Variants in CNTN4 observed in about 807,000 individuals in gnomAD.
The protein encoded by CNTN4 is contactin-4.
Under a neutral mutation model 122.5 loss-of-function variants are expected in CNTN4, and 77 were observed. That is an observed-to-expected ratio of 0.63 (90% confidence interval 0.52 to 0.76). The LOEUF (loss-of-function observed/expected upper bound fraction) is 0.76. Among genes scored for constraint, CNTN4 ranks in the 30% least tolerant of loss-of-function variants. The pLI, the probability that CNTN4 is intolerant of heterozygous loss-of-function variation, is 0.00. For synonymous variants in CNTN4, 512 were observed against 447.0 expected, an observed-to-expected ratio of 1.15 and a Z score of -1.83; for missense variants, 1,256 against 1,259.1, an observed-to-expected ratio of 1.00 and a Z score of 0.04.
intron 2 of CNTN4, among the ~76,000 whole-genome samples, chr3:2,232,251 A>T (rs977750976): frequency 1.3e-5 from 2 of 152,146 alleles, no homozygotes; most frequent in East Asian, 3.9e-4. Context: ...TAATTAGTAT[A>T]ATTATTAATA....
chr3:2,394,191 A>G (rs2046551038), intron 3 of CNTN4, among the ~76,000 whole-genome samples: 1 of 151,804 alleles, frequency 6.6e-6, no homozygotes, highest in Admixed American at 6.6e-5. Flanking sequence ...ATTGAGAATG[A>G]AAAAAAGGCA....
At chr3:2,582,056 CTGGCATTAGA>C in intron 4 of CNTN4, among the ~76,000 whole-genome samples, 7 of 152,176 alleles carry the variant, frequency 4.6e-5, no homozygotes, top group Non-Finnish European at 1.0e-4. Flanking sequence ...TGAAAATATT[CTGGCATTAGA>C]AAGCGGTGAT....
chr3:3,020,325 A>G (rs1394106225), intron 14 of CNTN4, among the ~76,000 whole-genome samples: 1 of 152,206 alleles, frequency 6.6e-6, no homozygotes, highest in East Asian at 1.9e-4. Context: ...CAGAAAGCTG[A>G]TCAGTTACAG....
intron 2 of CNTN4, among the ~76,000 whole-genome samples, chr3:2,133,281 G>A (rs2034534996): frequency 6.6e-6 from 1 of 152,122 alleles, no homozygotes; most frequent in South Asian, 2.1e-4. Context: ...TAGAATCAAA[G>A]GGCATTTTCT....
intron 12 of CNTN4, among the ~76,000 whole-genome samples, chr3:2,924,338 C>T (rs1330809792): frequency 6.6e-6 from 1 of 151,648 alleles, no homozygotes; most frequent in Non-Finnish European, 1.5e-5. Flanking sequence ...TCACATAACA[C>T]ACACCTCAAG....
intron 4 of CNTN4, among the ~76,000 whole-genome samples, chr3:2,659,973 CT>C (rs2083798167): frequency 6.6e-6 from 1 of 152,148 alleles, no homozygotes; most frequent in Non-Finnish European, 1.5e-5. Flanking sequence ...ACATGAAATC[CT>C]ATTTCTGTTT....
chr3:2,305,944 T>C (rs1399491781), intron 2 of CNTN4, among the ~76,000 whole-genome samples: 1 of 152,192 alleles, frequency 6.6e-6, no homozygotes, highest in Non-Finnish European at 1.5e-5. Context: ...AATTAATCCA[T>C]GTTATAGCAT....
intron 3 of CNTN4, among the ~76,000 whole-genome samples, chr3:2,496,288 G>C (rs2076449193): frequency 6.6e-6 from 1 of 151,954 alleles, no homozygotes; most frequent in South Asian, 2.1e-4. Context: ...TTGTTTATTA[G>C]CTCATTTCAT....
intron 6 of CNTN4, among the ~76,000 whole-genome samples, chr3:2,789,795 A>C (rs570428026): frequency 1.3e-5 from 2 of 152,342 alleles, no homozygotes; most frequent in African/African-American, 4.8e-5. Flanking sequence ...TTTTTAAAAA[A>C]AATTAAAAAG....
chr3:2,533,016 C>G (rs2077657393), intron 3 of CNTN4, among the ~76,000 whole-genome samples: 1 of 151,994 alleles, frequency 6.6e-6, no homozygotes, highest in South Asian at 2.1e-4. Context: ...GCCCAAATCT[C>G]TAGATGTGAA....
chr3:2,131,551 G>C lies in CNTN4; in HGVS notation c.-145+30912G>C, dbSNP rs191199202. Among the ~76,000 whole-genome samples, 448 of 152,280 alleles carry C rather than the reference G, an allele frequency of 2.9e-3. 2 individuals are homozygous for C. Among genetic ancestry groups the C allele is most frequent in the African/African-American group, 9.8e-3 (409 of 41,562 alleles). On this transcript the variant is annotated intron_variant, in intron 2 of 24. Coordinates refer to ENST00000418658, the MANE Select transcript of CNTN4 (RefSeq NM_175607.3). ...GTGTTGCTGTTAGCTAGGGTAAAGT[G>C]GGGTGTCACAAATCCAGCATGATGG... is the stretch of plus-strand genomic sequence containing the variant.
chr3:2,518,440 A>G (rs916082746), intron 3 of CNTN4, among the ~76,000 whole-genome samples: 1 of 152,198 alleles, frequency 6.6e-6, no homozygotes, highest in African/African-American at 2.4e-5. Context: ...TGTACATGAC[A>G]GTCTTCGGTC....
At chr3:2,444,186 C>T (rs1393805904) in intron 3 of CNTN4, among the ~76,000 whole-genome samples, 3 of 147,742 alleles carry the variant, frequency 2.0e-5, no homozygotes, top group Non-Finnish European at 3.0e-5. Context: ...AAAATCTCTG[C>T]CTTATGAAGC....
chr3:2,594,417 T>C (rs2080659150), intron 4 of CNTN4, among the ~76,000 whole-genome samples: 2 of 652 alleles, frequency 3.1e-3, no homozygotes, highest in Admixed American at 0.071. Context: ...AAAATGGATC[T>C]TTTTTTTTTT....
chr3:2,570,830 T>A, intron 3 of CNTN4, among the ~76,000 whole-genome samples: 1 of 152,198 alleles, frequency 6.6e-6, no homozygotes, highest in East Asian at 1.9e-4. Flanking sequence ...CAAATGAACC[T>A]AGTAGGCAGC....
chr3:2,250,514 A>C (rs2040334530), intron 2 of CNTN4, among the ~76,000 whole-genome samples: 2 of 151,928 alleles, frequency 1.3e-5, no homozygotes, highest in African/African-American at 4.8e-5. Context: ...GATAATATAT[A>C]GCTAGAGGGA....
intron 4 of CNTN4, among the ~76,000 whole-genome samples, chr3:2,721,645 T>C (rs1242400503): frequency 6.6e-6 from 1 of 152,178 alleles, no homozygotes; most frequent in Non-Finnish European, 1.5e-5. Context: ...CTAAGCACCC[T>C]CTTACTGCTA....
intron 6 of CNTN4, among the ~76,000 whole-genome samples, chr3:2,797,920 A>ATTTTT (rs10684232): frequency 0.046 from 6,363 of 137,730 alleles, 210 homozygotes; most frequent in South Asian, 0.071. Flanking sequence ...CACACTGAGT[A>ATTTTT]TTTTTTTTTT....
At chr3:2,854,268 C>CTTTTTTTTTT (rs56147510) in intron 7 of CNTN4, among the ~76,000 whole-genome samples, 22 of 90,046 alleles carry the variant, frequency 2.4e-4, no homozygotes, top group Non-Finnish European at 3.6e-4. Flanking sequence ...CTTTCTTCTT[C>CTTTTTTTTTT]TTTTTTTTTT....
Sources: allele counts gnomAD v4.1 joint callset (sites outside exome capture counted in the v4.1 genomes callset), GRCh38; gene constraint gnomAD v4.1.1; transcripts MANE v1.5; gene names NCBI Gene and HGNC (gene_info 2026-07-23, HGNC 2026-07-21).